The following ANKRD29 variants were observed in gnomAD, a reference collection of about 807,000 sequenced individuals.
ANKRD29 encodes the protein ankyrin repeat domain 29.
A neutral mutation model predicts 38.0 loss-of-function variants in ANKRD29; 32 were observed. The ratio of observed to expected loss-of-function variants is 0.84; its 90% confidence interval spans 0.64 to 1.13. The LOEUF (loss-of-function observed/expected upper bound fraction) is 1.13. ANKRD29 is among the 50% of genes most tolerant of loss of function. The pLI, the probability that ANKRD29 is intolerant of heterozygous loss-of-function variation, is 0.00. For synonymous variants in ANKRD29, 135 were observed against 152.4 expected, an observed-to-expected ratio of 0.89 and a Z score of 0.84; for missense variants, 357 against 377.9, an observed-to-expected ratio of 0.94 and a Z score of 0.46.
chr18:23,609,055 T>C (rs922394235), intron 9 of ANKRD29, among the ~76,000 whole-genome samples: 1 of 151,752 alleles, frequency 6.6e-6, no homozygotes, highest in Non-Finnish European at 1.5e-5. Context: ...GATCGCACCA[T>C]TGCACTCCAG....
chr18:23,605,091 T>A (rs889414153), intron 9 of ANKRD29, among the ~76,000 whole-genome samples: 1 of 151,996 alleles, frequency 6.6e-6, no homozygotes, highest in Non-Finnish European at 1.5e-5. Context: ...TGGCTAATTT[T>A]TATATTTTTA....
chr18:23,649,932 G>C (rs879929073), intron 1 of ANKRD29, among the ~76,000 whole-genome samples: 1 of 152,046 alleles, frequency 6.6e-6, no homozygotes, highest in Non-Finnish European at 1.5e-5. Flanking sequence ...GTTTCACCAC[G>C]TTGGCCAGGA....
At chr18:23,629,202 C>G (rs2059898812) in intron 6 of ANKRD29, among the ~76,000 whole-genome samples, 1 of 152,260 alleles carries the variant, frequency 6.6e-6, no homozygotes, top group South Asian at 2.1e-4. Context: ...CCAGGCTGGC[C>G]TCAAACTCCT....
At chr18:23,619,927 G>T (rs968495396) in intron 6 of ANKRD29, 10 of 386,330 alleles carry the variant, frequency 2.6e-5, no homozygotes, top group Non-Finnish European at 4.2e-5. Context: ...ACCAAAAAGG[G>T]TGGTACAGAC....
Position 23,601,158 on chromosome 18 carries a change from T to C in ANKRD29, c.*68A>G. 1 of 1,433,954 alleles carries C rather than the reference T, an allele frequency of 7.0e-7. No homozygotes were observed. The highest frequency in any genetic ancestry group is 9.7e-7 in the Non-Finnish European group (1 of 1,028,716). 88.8% of individuals were successfully genotyped at this position (1,433,954 alleles called of 1,614,324 possible). A position where few individuals can be genotyped will look rare whatever the true frequency, so the allele number is the denominator to read the frequency against. On this transcript the variant is annotated 3_prime_UTR_variant, in exon 10 of 10. Transcript: ENST00000592179. ...TTCATAAAAGAATTTCCAACACTGC[T>C]TGAAATGCAATTTCTTTTTGGACAA...
intron 3 of ANKRD29, 44 bp downstream of exon 3, chr18:23,646,145 C>G: frequency 6.3e-7 from 1 of 1,581,470 alleles, no homozygotes; most frequent in Non-Finnish European, 8.7e-7. Context: ...AACTTCAGAT[C>G]TCTGAGCCTG....
chr18:23,601,074 A>T lies in ANKRD29; in HGVS notation c.*152T>A. ...CTGTTTGGTTCTTGACTTCGTGCACAGAGCGTAGCTCTTCTTTGTCAGGGA... is the reference window on the plus strand; with the variant it reads ...CTGTTTGGTTCTTGACTTCGTGCACTGAGCGTAGCTCTTCTTTGTCAGGGA... On this transcript the variant is annotated 3_prime_UTR_variant, in exon 10 of 10. Transcript: ENST00000592179. 1.5e-6 allele frequency: 1 copy of T among 653,788 alleles called. No individual in the cohort carries two copies. Among genetic ancestry groups the T allele is most frequent in the Non-Finnish European group, 2.6e-6 (1 of 387,730 alleles). The allele number at this position is 653,788 out of a possible 1,614,324, so 40.5% of individuals were successfully genotyped here.
chr18:23,649,097 C>G lies in ANKRD29; in HGVS notation c.118G>C (p.Asp40His), dbSNP rs780163716. Residue 40 changes from aspartate (D) to histidine (H), a missense_variant, in exon 2 of 10, where the codon GAC becomes CAC. Asp to His is a moderately conservative substitution (Grantham distance 81). Coordinates refer to ENST00000592179, the MANE Select transcript of ANKRD29 (RefSeq NM_173505.4). The stretch of plus-strand genomic sequence containing the variant: ...AACCACCGTACGCTGTCTCTGCAGT[C>G]CACGTCCACCCGGCCGCTGTTCAAC... ...LLLNSGRVDV[D>H]CRDSHGTTLL... The G allele has an allele frequency of 6.2e-7, 1 of 1,614,024 alleles. No homozygotes were observed. The highest frequency in any genetic ancestry group is 8.5e-7 in the Non-Finnish European group (1 of 1,179,996).
chr18:23,606,915 C>T (rs1022682227), intron 9 of ANKRD29, among the ~76,000 whole-genome samples: 7 of 152,138 alleles, frequency 4.6e-5, no homozygotes, highest in African/African-American at 9.7e-5. Flanking sequence ...AAGGGTAAAG[C>T]GGCAGGCAGT....
chr18:23,618,824 C>CG, intron 7 of ANKRD29: 1 of 82,250 alleles, frequency 1.2e-5, no homozygotes, highest in Admixed American at 1.8e-4. Context: ...AATTGGGGGG[C>CG]GGGGGGTGGG....
intron 6 of ANKRD29, among the ~76,000 whole-genome samples, chr18:23,623,675 C>T (rs1382245260): frequency 6.6e-6 from 1 of 151,610 alleles, no homozygotes; most frequent in African/African-American, 2.4e-5. Context: ...CGGAGTCTTG[C>T]TCTGTCGCCC....
chr18:23,658,889 C>T (rs935742378), intron 1 of ANKRD29, among the ~76,000 whole-genome samples: 1 of 152,142 alleles, frequency 6.6e-6, no homozygotes, highest in Non-Finnish European at 1.5e-5. Context: ...TCACCAGCCA[C>T]CTTGATCTCA....
chr18:23,615,850 T>A (rs946051587), intron 8 of ANKRD29, among the ~76,000 whole-genome samples: 2 of 149,484 alleles, frequency 1.3e-5, no homozygotes, highest in African/African-American at 2.4e-5. Context: ...CAGTAAATAT[T>A]ACTAGACATA....
chr18:23,662,621 C>CAAA, intron 1 of ANKRD29, 89 bp downstream of exon 1: 6 of 389,116 alleles, frequency 1.5e-5, no homozygotes, highest in Non-Finnish European at 2.8e-5. Flanking sequence ...GCGCCCACCC[C>CAAA]ATCCCACCCC....
intron 1 of ANKRD29, among the ~76,000 whole-genome samples, chr18:23,659,822 C>G (rs1472378278): frequency 6.6e-6 from 1 of 151,624 alleles, no homozygotes; most frequent in Non-Finnish European, 1.5e-5. Flanking sequence ...TTAAAAATGA[C>G]TGCATCGGCC....
At chr18:23,634,203 CCAG>C in intron 4 of ANKRD29, 54 bp from the exon 5 acceptor site, 1 of 1,390,258 alleles carries the variant, frequency 7.2e-7, no homozygotes, top group Non-Finnish European at 1.0e-6. Context: ...ACATAATTCA[CCAG>C]CAGATGTTCC....
chr18:23,642,649 G>A (rs1014675499), intron 3 of ANKRD29, among the ~76,000 whole-genome samples: 6 of 152,228 alleles, frequency 3.9e-5, no homozygotes, highest in African/African-American at 1.4e-4. Flanking sequence ...GGCGCTGCTA[G>A]CCATGGAGGT....
rs1276417203 is a variant in ANKRD29 at position 23,601,097 on chromosome 18, G to A, written c.*129C>T. On this transcript the variant is annotated 3_prime_UTR_variant, in exon 10 of 10. Transcript: ENST00000592179. ...ACAGAGCGTAGCTCTTCTTTGTCAGGGACCCACAGGATGGGCATTCTGGGC... is the reference window on the plus strand; with the variant it reads ...ACAGAGCGTAGCTCTTCTTTGTCAGAGACCCACAGGATGGGCATTCTGGGC... 7.8e-6 allele frequency: 6 copies of A among 768,860 alleles called. No individual in the cohort carries two copies. Among genetic ancestry groups the A allele is most frequent in the African/African-American group, 1.8e-5 (1 of 56,520 alleles). The allele number at this position is 768,860 out of a possible 1,614,324, so 47.6% of individuals were successfully genotyped here.
At chr18:23,624,466 CAAAAAAAAAAAAAAAAAAAAAA>C (rs56005663) in intron 6 of ANKRD29, among the ~76,000 whole-genome samples, 2 of 32,436 alleles carry the variant, frequency 6.2e-5, no homozygotes, top group Admixed American at 8.2e-4. Flanking sequence ...GACTCCATCT[CAAAAAAAAAAAAAAAAAAAAAA>C]AAAAAAAAAA....
Sources: allele counts gnomAD v4.1 joint callset (sites outside exome capture counted in the v4.1 genomes callset), GRCh38; gene constraint gnomAD v4.1.1; transcripts MANE v1.5; gene names NCBI Gene and HGNC (gene_info 2026-07-23, HGNC 2026-07-21).